PPARG: variants seen among roughly 807,000 people sequenced by gnomAD.
PPARG encodes peroxisome proliferator-activated receptor gamma.
In PPARG, 17 loss-of-function variants were observed where a neutral mutation model predicts 39.2. The ratio of observed to expected loss-of-function variants is 0.43; its 90% CI spans 0.30 to 0.65. PPARG has a LOEUF of 0.65. PPARG is among the 30% of genes least tolerant of loss of function. The pLI is 0.13. For missense variants in PPARG, 406 were observed against 585.9 expected (o/e 0.69, Z 3.17); for synonymous variants, 223 against 215.7 (o/e 1.03, Z -0.30).
chr3:12,333,613 G>A (rs768659355), intron 2 of PPARG, among the ~76,000 whole-genome samples: 2 of 152,046 alleles, frequency 1.3e-5, no homozygotes, highest in Non-Finnish European at 2.9e-5. Flanking sequence ...GCTAAGCCAC[G>A]TTCTGAGCTA....
At chr3:12,425,372 A>T (rs899546408) in intron 7 of PPARG, among the ~76,000 whole-genome samples, 1 of 152,140 alleles carries the variant, frequency 6.6e-6, no homozygotes, top group Non-Finnish European at 1.5e-5. Flanking sequence ...GGGGGAGTGG[A>T]GTGGAGAGAA....
chr3:12,373,819 G>A (rs2049309445), intron 2 of PPARG, among the ~76,000 whole-genome samples: 1 of 152,326 alleles, frequency 6.6e-6, no homozygotes, highest in Middle Eastern at 3.4e-3. Flanking sequence ...GGAACACAGA[G>A]AATGGAGTGT....
intron 4 of PPARG, among the ~76,000 whole-genome samples, chr3:12,383,600 G>A (rs939197173): frequency 3.3e-5 from 5 of 152,120 alleles, no homozygotes; most frequent in African/African-American, 1.2e-4. Flanking sequence ...AATAAAAACA[G>A]CATGGTTGGT....
At chr3:12,302,678 G>A (rs1323997803) in intron 1 of PPARG, among the ~76,000 whole-genome samples, 3 of 152,232 alleles carry the variant, frequency 2.0e-5, no homozygotes, top group Non-Finnish European at 4.4e-5. Flanking sequence ...GATGTGAGTA[G>A]TGAGAAACAT....
intron 2 of PPARG, among the ~76,000 whole-genome samples, chr3:12,362,547 A>G (rs2048881568): frequency 6.6e-6 from 1 of 151,200 alleles, no homozygotes; most frequent in African/African-American, 2.4e-5. Flanking sequence ...AAATAAATAA[A>G]TAAATAAATA....
rs899361337 is a variant in PPARG at position 12,298,464 on chromosome 3, GT to G, written c.-83+9332del. On this transcript the variant is annotated intron_variant, in intron 1 of 7. Coordinates refer to ENST00000651735, the MANE Select transcript of PPARG (RefSeq NM_138711.6). ...AATGAATTCTTTTTTCATCTTTTCT[GT>G]TGCATTGTCCTAGAAATCCCAAAGG... 2.4e-4 allele frequency among the ~76,000 whole-genome samples: 36 copies of G among 151,856 alleles called. 1 individual carries two copies. Among genetic ancestry groups the G allele is most frequent in the Admixed American group, 2.0e-3 (30 of 15,246 alleles).
chr3:12,334,395 CA>C (rs1426066679), intron 2 of PPARG, among the ~76,000 whole-genome samples: 2 of 151,724 alleles, frequency 1.3e-5, no homozygotes, highest in Non-Finnish European at 2.9e-5. Context: ...CATGCCCAAC[CA>C]ATTTTTATAT....
intron 1 of PPARG, among the ~76,000 whole-genome samples, chr3:12,309,535 AC>A (rs2047168681): frequency 6.6e-6 from 1 of 152,182 alleles, no homozygotes; most frequent in African/African-American, 2.4e-5. Flanking sequence ...CAGTGTTATG[AC>A]ACTCCAGAAA....
At chr3:12,334,832 T>G (rs1344971013) in intron 2 of PPARG, among the ~76,000 whole-genome samples, 1 of 152,232 alleles carries the variant, frequency 6.6e-6, no homozygotes, top group Non-Finnish European at 1.5e-5. Flanking sequence ...TCTGTTATCC[T>G]ACCATCTAGG....
chr3:12,360,082 G>A (rs2048793166), intron 2 of PPARG, among the ~76,000 whole-genome samples: 1 of 152,168 alleles, frequency 6.6e-6, no homozygotes, highest in Non-Finnish European at 1.5e-5. Flanking sequence ...GTGCAAGGAA[G>A]CTGGTTACAA....
intron 2 of PPARG, among the ~76,000 whole-genome samples, chr3:12,351,985 C>T (rs916563600): frequency 6.6e-6 from 1 of 152,150 alleles, no homozygotes; most frequent in East Asian, 1.9e-4. Context: ...GCATAGATTT[C>T]CCAAGAATAC....
At chr3:12,314,772 A>G (rs1345324116) in intron 2 of PPARG, among the ~76,000 whole-genome samples, 1 of 152,138 alleles carries the variant, frequency 6.6e-6, no homozygotes, top group Non-Finnish European at 1.5e-5. Context: ...GTGAAATCCA[A>G]ATAGTTATAG....
At chr3:12,343,522 G>C (rs1400392540) in intron 2 of PPARG, among the ~76,000 whole-genome samples, 2 of 152,106 alleles carry the variant, frequency 1.3e-5, no homozygotes, top group African/African-American at 4.8e-5. Context: ...GACTTCGCAG[G>C]GTTGAGGGCC....
intron 3 of PPARG, among the ~76,000 whole-genome samples, chr3:12,380,594 A>T (rs973997616): frequency 6.6e-6 from 1 of 152,224 alleles, no homozygotes; most frequent in African/African-American, 2.4e-5. Flanking sequence ...CCACTATGTA[A>T]TTGGCAATCA....
chr3:12,434,223 A>C lies in PPARG; in HGVS notation c.*78A>C. 6.4e-7 allele frequency: 1 copy of C among 1,572,678 alleles called. No individual in the cohort carries two copies. Among genetic ancestry groups the C allele is most frequent in the East Asian group, 2.3e-5 (1 of 44,192 alleles). ...TGAGGGAAAATCTGACACCTAAGAA[A>C]TTTACTGTGAAAAAGCATTTTAAAA... On this transcript the variant is annotated 3_prime_UTR_variant, in exon 8 of 8. Transcript: ENST00000651735. The surrounding 1 kb of genome is among the most constrained non-coding windows in gnomAD (Gnocchi z 4.2).
intron 2 of PPARG, among the ~76,000 whole-genome samples, chr3:12,312,888 T>A (rs2047287503): frequency 6.6e-6 from 1 of 152,216 alleles, no homozygotes; most frequent in Non-Finnish European, 1.5e-5. Flanking sequence ...ATAAGCCAAA[T>A]GTGCTCCATT....
chr3:12,351,464 A>T (rs2048483317), intron 2 of PPARG: 1 of 727,576 alleles, frequency 1.4e-6, no homozygotes, highest in Admixed American at 2.0e-5. Context: ...TTGGAAACTG[A>T]TGTCTTGACT....
intron 2 of PPARG, among the ~76,000 whole-genome samples, chr3:12,352,425 C>A (rs1559503919): frequency 6.6e-6 from 1 of 152,162 alleles, no homozygotes; most frequent in Non-Finnish European, 1.5e-5. Flanking sequence ...ATATTTCTTT[C>A]TTGGCCATTG....
At chr3:12,333,045 C>G (rs1446197453) in intron 2 of PPARG, among the ~76,000 whole-genome samples, 3 of 152,014 alleles carry the variant, frequency 2.0e-5, no homozygotes, top group Non-Finnish European at 2.9e-5. Flanking sequence ...AATAAAAATT[C>G]TGAAAAGTTA....
Sources: gnomAD v4.1 joint callset for allele counts (sites outside exome capture counted in the v4.1 genomes callset) on GRCh38, gnomAD v4.1.1 for gene constraint, Gnocchi (gnomAD v3.1) non-coding constraint, MANE v1.5 for transcripts, NCBI Gene and HGNC (gene_info 2026-07-23, HGNC 2026-07-21) for gene names.